Variants in LTBP2 observed in about 807,000 individuals in gnomAD.
LTBP2 encodes latent transforming growth factor beta binding protein 2.
A neutral mutation model predicts 210.6 loss-of-function variants in LTBP2; 103 were observed. That is an observed-to-expected ratio of 0.49 (90% CI 0.42 to 0.58). The LOEUF (loss-of-function observed/expected upper bound fraction) is 0.58, where lower values mean the gene tolerates loss of function less well. Among genes scored for constraint, LTBP2 ranks in the 20% least tolerant of loss-of-function variants. The pLI, the probability that LTBP2 is intolerant of heterozygous loss-of-function variation, is 0.00. For synonymous variants in LTBP2, 1,007 were observed against 1,015.0 expected (o/e 0.99, Z 0.15); for missense variants, 2,313 against 2,494.5 (o/e 0.93, Z 1.55).
chr14:74,588,711 G>A (rs1030407222), intron 2 of LTBP2, among the ~76,000 whole-genome samples: 4 of 152,108 alleles, frequency 2.6e-5, no homozygotes, highest in Admixed American at 6.5e-5. Context: ...GCCTGGCACC[G>A]TGCTCTGCAT....
In LTBP2 at chr14:74,503,528, C is replaced by T. The variant is rs1200678067; in HGVS notation, c.4661G>A (p.Ser1554Asn). 1 of 1,613,568 alleles carries T rather than the reference C, an allele frequency of 6.2e-7. No individual in the cohort carries two copies. The highest frequency in any genetic ancestry group is 8.5e-7 in the Non-Finnish European group (1 of 1,179,880). ...NTEGSFHCFC[S>N]PPLTLDLSQQ... ...GCTGAGGTCCAGGGTGAGCGGGGGG[C>T]TGCAGAAGCAGTGGAAGGAGCCCTC... Residue 1554 changes from serine (S) to asparagine (N), a missense_variant, in exon 32 of 36, where the codon AGC (serine) becomes AAC (asparagine). Physicochemically the swap from Ser to Asn is conservative, Grantham distance 46. This residue lies in a region of LTBP2 where 443 missense variants were observed against 501.4 expected (regional missense o/e 0.88). Transcript: ENST00000261978.
At chr14:74,562,153 T>C (rs998764265) in intron 3 of LTBP2, among the ~76,000 whole-genome samples, 79 of 150,856 alleles carry the variant, frequency 5.2e-4, no homozygotes, top group African/African-American at 1.7e-3. Flanking sequence ...GAGGTTGCAG[T>C]GAACCGAGAT....
intron 25 of LTBP2, 38 bp from the exon 26 acceptor site, chr14:74,507,348 G>C: frequency 6.2e-7 from 1 of 1,613,350 alleles, no homozygotes; most frequent in Admixed American, 1.7e-5. Flanking sequence ...GGACAGAGGT[G>C]GCCAGGTCAC....
chr14:74,562,175 A>C (rs1216432963), intron 3 of LTBP2, among the ~76,000 whole-genome samples: 1 of 151,864 alleles, frequency 6.6e-6, no homozygotes, highest in Non-Finnish European at 1.5e-5. Context: ...GCACCACTGC[A>C]CTCCAGCCTG....
intron 17 of LTBP2, 56 bp from the exon 18 acceptor site, chr14:74,516,997 G>C: frequency 6.5e-7 from 1 of 1,543,564 alleles, no homozygotes; most frequent in Non-Finnish European, 8.7e-7. Flanking sequence ...ATGGTGGAGG[G>C]GGCGGGGTCC....
intron 1 of LTBP2, among the ~76,000 whole-genome samples, chr14:74,608,761 A>ACAAAT (rs1566659199): frequency 6.7e-6 from 1 of 149,180 alleles, no homozygotes; most frequent in African/African-American, 2.5e-5. Flanking sequence ...AGAAAAGAAA[A>ACAAAT]GAAATGAAAA....
In LTBP2 at chr14:74,508,072, C is replaced by A. The variant is rs2087013960; in HGVS notation, c.3676G>T (p.Asp1226Tyr). The A allele has an allele frequency of 6.2e-7, 1 of 1,613,876 alleles. No homozygotes were observed. The change falls in exon 25 of 36, where the codon GAC becomes TAC. Residue 1226 changes from aspartate (D) to tyrosine (Y), a missense_variant. By Grantham distance (160) the Asp-to-Tyr change is radical (BLOSUM62 -3). Coordinates refer to ENST00000261978, the MANE Select transcript of LTBP2 (RefSeq NM_000428.3). ...CQDVDECATT[D>Y]PCVGGHCVNT... ...ACACAGTGCCCTCCCACACACGGGT[C>A]TGTGGTGGCACACTCGTCCACATCT...
chr14:74,581,072 A>T (rs2088130611), intron 3 of LTBP2, among the ~76,000 whole-genome samples: 2 of 152,236 alleles, frequency 1.3e-5, no homozygotes, highest in African/African-American at 4.8e-5. Context: ...GCAGAGCAGA[A>T]GCAGGATGAA....
rs140217400 is a variant in LTBP2 at position 74,573,455 on chromosome 14, G to A, written c.830+12399C>T. Among the ~76,000 whole-genome samples, 1,282 of 152,358 alleles carry A rather than the reference G, an allele frequency of 8.4e-3. 24 individuals are homozygous for A. Among genetic ancestry groups the A allele is most frequent in the African/African-American group, 0.03 (1,237 of 41,578 alleles). On this transcript the variant is annotated intron_variant, in intron 3 of 35. Transcript: ENST00000261978. ...ACTGTGGCAGGAGGTCAGAGGGCAG[G>A]AGAAGGGTGAGTGGAGGTGCAGATC...
intron 7 of LTBP2, 142 bp from the exon 8 acceptor site, chr14:74,550,107 G>A (rs184286496): frequency 1.1e-3 from 734 of 680,266 alleles, no homozygotes; most frequent in Non-Finnish European, 1.7e-3. Context: ...AAGGGGAGAA[G>A]GGAGTCAGCC....
At chr14:74,539,781 G>A (rs1159663068) in intron 8 of LTBP2, among the ~76,000 whole-genome samples, 1 of 152,182 alleles carries the variant, frequency 6.6e-6, no homozygotes, top group Non-Finnish European at 1.5e-5. Flanking sequence ...GCAGCAGAGA[G>A]CTTGGATGAG....
Position 74,505,071 on chromosome 14 carries a change from C to A in LTBP2, c.4281G>T (p.Leu1427=), listed in dbSNP as rs1000325577. The A allele has an allele frequency of 6.2e-7, 1 of 1,614,120 alleles. No individual in the cohort carries two copies. Among genetic ancestry groups the A allele is most frequent in the East Asian group, 2.2e-5 (1 of 44,866 alleles). ...ATTCAGCCTGTGTGGTGTTCCGGCCCAGGACACTGGAGCAGGGCGCATGGC... is the reference window on the plus strand; with the variant it reads ...ATTCAGCCTGTGTGGTGTTCCGGCCAAGGACACTGGAGCAGGGCGCATGGC... The part of the protein sequence containing the change: ...QKGHAPCSSV[L]GRNTTQAECC... The change falls in exon 29 of 36, where the codon CTG becomes CTT. Residue 1427 remains leucine (L), a synonymous_variant. Transcript: ENST00000261978.
Position 74,555,574 on chromosome 14 carries a change from G to C in LTBP2, c.950C>G (p.Pro317Arg), listed in dbSNP as rs148766628. ...ATCTCTCTGCTCAAGGCCTGGTCCC[G>C]GGGGCAGGGCGTTGGAAGAGAGCTG... ...SSQLSSNALP[P>R]GPGLEQRDGT... The change falls in exon 4 of 36, where the codon CCG (proline) becomes CGG (arginine). Residue 317 changes from proline to arginine, a missense_variant. Physicochemically the swap from Pro to Arg is moderately radical, Grantham distance 103 (BLOSUM62 -2). Transcript: ENST00000261978. The C allele has an allele frequency of 6.2e-7, 1 of 1,611,022 alleles. No individual in the cohort carries two copies. Among genetic ancestry groups the C allele is most frequent in the African/African-American group, 1.3e-5 (1 of 74,862 alleles).
rs2086925382 is a variant in LTBP2, at chr14:74,502,739, G to T, written c.5084C>A (p.Ala1695Asp). 3.7e-6 allele frequency: 6 copies of T among 1,614,106 alleles called. No individual in the cohort carries two copies. The highest frequency in any genetic ancestry group is 1.7e-5 in the Admixed American group (1 of 60,010). ...GGGTGTGCGGTCCGCTGAGTGACCG[G>T]CTGTGTTGGGGAAGGCAGGCTCAGG... ...TVPEPAFPNTAGHSADRTPIL... is the reference protein window; with the variant it reads ...TVPEPAFPNTDGHSADRTPIL... The change falls in exon 34 of 36, where the codon GCC (alanine) becomes GAC (aspartate). Residue 1695 changes from alanine (A) to aspartate (D), a missense_variant. Coordinates refer to ENST00000261978, the MANE Select transcript of LTBP2 (RefSeq NM_000428.3).
chr14:74,588,636 C>T (rs2088241460), intron 2 of LTBP2, among the ~76,000 whole-genome samples: 1 of 152,106 alleles, frequency 6.6e-6, no homozygotes, highest in Non-Finnish European at 1.5e-5. Flanking sequence ...TAACATATGC[C>T]TAACAATAAC....
At chr14:74,582,935 T>G (rs2088157061) in intron 3 of LTBP2, among the ~76,000 whole-genome samples, 3 of 152,192 alleles carry the variant, frequency 2.0e-5, no homozygotes, top group Non-Finnish European at 4.4e-5. Flanking sequence ...TCCAGGCCCT[T>G]CCCAGCTGCC....
At chr14:74,509,191 C>G (rs1566615930) in intron 22 of LTBP2, 47 bp downstream of exon 22, 5 of 1,612,978 alleles carry the variant, frequency 3.1e-6, no homozygotes, top group Middle Eastern at 1.6e-4. Flanking sequence ...ATGGCCCTGA[C>G]AGAGGGGGCA....
At chr14:74,598,298 T>C (rs2088398397) in intron 2 of LTBP2, among the ~76,000 whole-genome samples, 1 of 152,080 alleles carries the variant, frequency 6.6e-6, no homozygotes, top group African/African-American at 2.4e-5. Flanking sequence ...GATGGGGACT[T>C]GGGGAAATGC....
chr14:74,611,778 G>A lies in LTBP2; in HGVS notation c.167C>T (p.Pro56Leu). The part of the protein sequence containing the change: ...AGGDANRLRR[P>L]GGSYPAAAAA... The stretch of plus-strand genomic sequence containing the variant: ...AGCCGCTGCCGGGTAGCTGCCCCCA[G>A]GGCGCCGCAGTCGATTCGCGTCTCC... The change falls in exon 1 of 36, where the codon CCT (proline) becomes CTT (leucine). Residue 56 changes from proline to leucine, a missense_variant. By Grantham distance (98) the Pro-to-Leu change is moderately conservative. Coordinates refer to ENST00000261978, the MANE Select transcript of LTBP2 (RefSeq NM_000428.3). The A allele has an allele frequency of 6.2e-7, 1 of 1,610,092 alleles. No individual in the cohort carries two copies. Among genetic ancestry groups the A allele is most frequent in the Non-Finnish European group, 8.5e-7 (1 of 1,179,548 alleles).
Sources: gnomAD v4.1 joint callset for allele counts (sites outside exome capture counted in the v4.1 genomes callset) on GRCh38, gnomAD v4.1.1 for gene constraint, gnomAD v4.1.1 regional missense constraint, MANE v1.5 for transcripts, NCBI Gene and HGNC (gene_info 2026-07-23, HGNC 2026-07-21) for gene names.